Variants in BCAT1 observed in about 807,000 individuals in gnomAD.
The protein encoded by BCAT1 is branched chain amino acid transaminase 1.
In BCAT1, 48 loss-of-function variants were observed where a neutral mutation model predicts 52.4. That is an observed-to-expected ratio of 0.92 (90% confidence interval 0.73 to 1.16). BCAT1 has a LOEUF of 1.16. Among genes scored for constraint, BCAT1 ranks in the 50% most tolerant of loss-of-function variants. BCAT1 has a pLI of 0.00. For synonymous variants in BCAT1, 167 were observed against 161.3 expected, an observed-to-expected ratio of 1.04 and a Z score of -0.27; for missense variants, 451 against 457.1, an observed-to-expected ratio of 0.99 and a Z score of 0.12.
intron 1 of BCAT1, among the ~76,000 whole-genome samples, chr12:24,931,845 C>T (rs549859204): frequency 2.6e-5 from 4 of 152,116 alleles, no homozygotes; most frequent in East Asian, 3.9e-4. Flanking sequence ...TTCAGAAAAC[C>T]GGGGATGTAA....
chr12:24,834,457 T>A (rs1481615953), intron 8 of BCAT1: 2 of 983,838 alleles, frequency 2.0e-6, no homozygotes, highest in African/African-American at 1.7e-5. Flanking sequence ...TTCTTGTTCT[T>A]TTACCTCAGT....
chr12:24,872,866 G>A lies in BCAT1; in HGVS notation c.510+5664C>T, dbSNP rs143427768. ...CACTCTACCACCTCCCAAATGGAGAGAGTGGGTGGGATGAAATGGGACTGA... is the reference window on the plus strand; with the variant it reads ...CACTCTACCACCTCCCAAATGGAGAAAGTGGGTGGGATGAAATGGGACTGA... On this transcript the variant is annotated intron_variant, in intron 5 of 10. Coordinates refer to ENST00000261192, the MANE Select transcript of BCAT1 (RefSeq NM_005504.7). Among the ~76,000 whole-genome samples the A allele has an allele frequency of 2.2e-4, 33 of 152,358 alleles. 1 individual carries two copies. In the East Asian group the frequency reaches 6.2e-3, roughly 28 times the overall value.
At chr12:24,822,241 C>G (rs1354742438) in intron 10 of BCAT1, among the ~76,000 whole-genome samples, 1 of 152,192 alleles carries the variant, frequency 6.6e-6, no homozygotes, top group Non-Finnish European at 1.5e-5. Flanking sequence ...ATAGAGCAAT[C>G]TAAGACCCAG....
chr12:24,852,155 C>T (rs1941534061), intron 5 of BCAT1, among the ~76,000 whole-genome samples: 1 of 152,174 alleles, frequency 6.6e-6, no homozygotes, highest in South Asian at 2.1e-4. Context: ...TCACCTTCTT[C>T]CACTGTATGT....
chr12:24,948,299 G>A (rs533464153), intron 1 of BCAT1, among the ~76,000 whole-genome samples: 1 of 152,330 alleles, frequency 6.6e-6, no homozygotes, highest in Non-Finnish European at 1.5e-5. Flanking sequence ...TAGGCAGCTA[G>A]GCTAATTATC....
intron 2 of BCAT1, among the ~76,000 whole-genome samples, chr12:24,894,859 T>C (rs1371581386): frequency 1.3e-5 from 2 of 152,208 alleles, no homozygotes; most frequent in African/African-American, 2.4e-5. Flanking sequence ...ACACTCACAA[T>C]GATTTGTTAA....
chr12:24,829,704 A>G (rs1353106278), intron 10 of BCAT1, 119 bp downstream of exon 10: 1 of 840,292 alleles, frequency 1.2e-6, no homozygotes. Flanking sequence ...TTGATCTCAA[A>G]TTGTATTATT....
intron 5 of BCAT1, among the ~76,000 whole-genome samples, chr12:24,867,698 A>T (rs944005276): frequency 6.6e-6 from 1 of 152,164 alleles, no homozygotes; most frequent in Non-Finnish European, 1.5e-5. Flanking sequence ...TGAAACCCAC[A>T]ATAGGAAGAA....
At chr12:24,862,933 G>A (rs7313260) in intron 5 of BCAT1, among the ~76,000 whole-genome samples, 126,384 of 152,190 alleles carry the variant, frequency 0.83, 52,823 homozygotes, top group East Asian at 1. Flanking sequence ...ATAAACTAAT[G>A]GGCAATCCAT....
At chr12:24,820,855 C>A (rs760584449) in intron 10 of BCAT1, among the ~76,000 whole-genome samples, 1 of 152,030 alleles carries the variant, frequency 6.6e-6, no homozygotes, top group South Asian at 2.1e-4. Flanking sequence ...AAATTCCTGG[C>A]AAAACAAAAG....
In BCAT1 at chr12:24,894,367, A is replaced by C; in HGVS notation, c.187T>G (p.Ser63Ala). 1 of 1,613,864 alleles carries C rather than the reference A, an allele frequency of 6.2e-7. No homozygotes were observed. Among genetic ancestry groups the C allele is most frequent in the Non-Finnish European group, 8.5e-7 (1 of 1,179,862 alleles). Reference protein sequence around the residue: ...FTDHMLTVEWSSEFGWEKPHI... With the variant: ...FTDHMLTVEWASEFGWEKPHI... ...GGTTTCTCCCATCCAAACTCTGAGGACCACTCCACCGTCAGCATATGATCC... is the reference window on the plus strand; with the variant it reads ...GGTTTCTCCCATCCAAACTCTGAGGCCCACTCCACCGTCAGCATATGATCC... The change falls in exon 3 of 11, where the codon TCC becomes GCC. Residue 63 changes from serine (S) to alanine (A), a missense_variant. Physicochemically the swap from Ser to Ala is moderately conservative, Grantham distance 99. Transcript: ENST00000261192.
At chr12:24,903,101 G>T in intron 1 of BCAT1, 1 of 1,353,676 alleles carries the variant, frequency 7.4e-7, no homozygotes, top group South Asian at 1.8e-5. Context: ...ATAGGGCGCT[G>T]GGTACCACGA....
intron 3 of BCAT1, among the ~76,000 whole-genome samples, chr12:24,887,678 A>G (rs1056348967): frequency 1.3e-5 from 2 of 152,248 alleles, no homozygotes; most frequent in Non-Finnish European, 2.9e-5. Context: ...ATTAGTACAC[A>G]TTAAATAGTA....
chr12:24,859,655 A>G (rs1941796584), intron 5 of BCAT1, among the ~76,000 whole-genome samples: 1 of 151,380 alleles, frequency 6.6e-6, no homozygotes, highest in Non-Finnish European at 1.5e-5. Flanking sequence ...TTGCTTTTGG[A>G]AAATCTTTGT....
At chr12:24,929,878 CTT>C (rs1943652744) in intron 1 of BCAT1, among the ~76,000 whole-genome samples, 1 of 152,166 alleles carries the variant, frequency 6.6e-6, no homozygotes, top group South Asian at 2.1e-4. Flanking sequence ...AAATTTATGT[CTT>C]TTCTCCTATT....
rs1013071247 is a variant in BCAT1 at position 24,943,857 on chromosome 12, G to C, written c.6+5070C>G. Among the ~76,000 whole-genome samples, 14 of 152,132 alleles carry C rather than the reference G, an allele frequency of 9.2e-5. No individual in the cohort carries two copies. The East Asian group carries it at 2.5e-3, about 27-fold the overall frequency. ...AAATTAGCCGGGCGTGGTGGCGGGCGCCTGTAGTCCCAGCTACTCAGGAAG... is the reference window on the plus strand; with the variant it reads ...AAATTAGCCGGGCGTGGTGGCGGGCCCCTGTAGTCCCAGCTACTCAGGAAG... On this transcript the variant is annotated intron_variant, in intron 1 of 10. Transcript: ENST00000261192.
chr12:24,889,637 G>A (rs759376629), intron 3 of BCAT1, among the ~76,000 whole-genome samples: 2 of 152,126 alleles, frequency 1.3e-5, no homozygotes, highest in Non-Finnish European at 2.9e-5. Context: ...TTAGGCCTCA[G>A]GGGCAGGAAG....
intron 1 of BCAT1, among the ~76,000 whole-genome samples, chr12:24,909,718 T>C (rs549286785): frequency 6.6e-6 from 1 of 152,354 alleles, no homozygotes; most frequent in South Asian, 2.1e-4. Context: ...CTTTGATTAA[T>C]GGACTATGGA....
At chr12:24,837,073 G>A (rs960159956) in intron 7 of BCAT1, among the ~76,000 whole-genome samples, 1 of 93,896 alleles carries the variant, frequency 1.1e-5, no homozygotes, top group Admixed American at 1.0e-4. Flanking sequence ...AGGAAAGAAA[G>A]AGAGAGGGAG....
Sources: gnomAD v4.1 joint callset for allele counts (sites outside exome capture counted in the v4.1 genomes callset) on GRCh38, gnomAD v4.1.1 for gene constraint, MANE v1.5 for transcripts, NCBI Gene and HGNC (gene_info 2026-07-23, HGNC 2026-07-21) for gene names.